Variants in LUZP2 observed in about 807,000 individuals in gnomAD.
LUZP2 encodes the protein leucine zipper protein 2.
A neutral mutation model predicts 51.6 loss-of-function variants in LUZP2; 52 were observed. The ratio of observed to expected loss-of-function variants is 1.01; its 90% CI spans 0.81 to 1.27. The LOEUF (loss-of-function observed/expected upper bound fraction) is 1.27. Ranked by LOEUF, LUZP2 falls within the 50% of genes most tolerant of loss-of-function variation. The pLI is 0.00. For missense variants in LUZP2, 436 were observed against 395.4 expected, an observed-to-expected ratio of 1.10 and a Z score of -0.87; for synonymous variants, 154 against 137.3, an observed-to-expected ratio of 1.12 and a Z score of -0.85.
intron 5 of LUZP2, among the ~76,000 whole-genome samples, chr11:24,817,987 C>A (rs964435564): frequency 1.3e-5 from 2 of 151,910 alleles, no homozygotes; most frequent in African/African-American, 2.4e-5. Flanking sequence ...TGAATTAGTT[C>A]TTTAGAAATA....
At chr11:24,773,465 C>A (rs79579871) in intron 5 of LUZP2, among the ~76,000 whole-genome samples, 12,206 of 152,102 alleles carry the variant, frequency 0.08, 1,060 homozygotes, top group African/African-American at 0.22. Context: ...AGGTGTGGAA[C>A]ATAGCCCCAG....
intron 9 of LUZP2, among the ~76,000 whole-genome samples, chr11:24,995,634 G>C (rs868734097): frequency 6.6e-6 from 1 of 151,580 alleles, no homozygotes; most frequent in African/African-American, 2.4e-5. Flanking sequence ...GATTAAAAAT[G>C]TCACCCCATT....
At chr11:24,614,132 T>C (rs1166899587) in intron 1 of LUZP2, among the ~76,000 whole-genome samples, 2 of 152,016 alleles carry the variant, frequency 1.3e-5, no homozygotes, top group Non-Finnish European at 2.9e-5. Flanking sequence ...TTTGAATGGA[T>C]TCTACCTTTA....
chr11:25,073,692 C>T lies in LUZP2; in HGVS notation c.859-3637C>T, dbSNP rs1859222983. On this transcript the variant is annotated intron_variant, in intron 10 of 11. Transcript: ENST00000336930. ...AGCACCTTCTTCATTTCCTTTCCTTCTCTTCTCTCTACCTTTCCTCTTATT... is the reference window on the plus strand; with the variant it reads ...AGCACCTTCTTCATTTCCTTTCCTTTTCTTCTCTCTACCTTTCCTCTTATT... Among the ~76,000 whole-genome samples the T allele has an allele frequency of 2.6e-5, 4 of 152,066 alleles. No individual in the cohort carries two copies. In the South Asian group the frequency reaches 8.3e-4, roughly 31 times the overall value.
At chr11:24,636,112 C>T (rs936705200) in intron 1 of LUZP2, among the ~76,000 whole-genome samples, 1 of 151,984 alleles carries the variant, frequency 6.6e-6, no homozygotes, top group Non-Finnish European at 1.5e-5. Flanking sequence ...TGTCTGGGAA[C>T]CAGGAAGATT....
intron 5 of LUZP2, among the ~76,000 whole-genome samples, chr11:24,811,351 CT>C (rs1380801929): frequency 6.6e-6 from 1 of 152,164 alleles, no homozygotes; most frequent in Non-Finnish European, 1.5e-5. Context: ...TAATCCCCCC[CT>C]TAATAGCCTC....
intron 1 of LUZP2, among the ~76,000 whole-genome samples, chr11:24,567,545 A>T (rs1230878786): frequency 6.6e-6 from 1 of 152,130 alleles, no homozygotes; most frequent in Non-Finnish European, 1.5e-5. Context: ...CAAAATATTG[A>T]AAGCCAAAGT....
intron 9 of LUZP2, among the ~76,000 whole-genome samples, chr11:24,994,811 C>T (rs1272111073): frequency 6.6e-6 from 1 of 152,090 alleles, no homozygotes; most frequent in African/African-American, 2.4e-5. Flanking sequence ...GTATAAAATA[C>T]AATTCTTACC....
At chr11:24,640,213 A>G (rs187020361) in intron 1 of LUZP2, among the ~76,000 whole-genome samples, 4 of 152,038 alleles carry the variant, frequency 2.6e-5, no homozygotes, top group Non-Finnish European at 4.4e-5. Context: ...TCGAAAGTAA[A>G]TGTTCTAAAA....
intron 5 of LUZP2, among the ~76,000 whole-genome samples, chr11:24,823,849 G>C (rs2953400): frequency 0.14 from 21,352 of 151,926 alleles, 1,595 homozygotes; most frequent in African/African-American, 0.17. Context: ...GGATCACAAA[G>C]TCAGGAGATC....
chr11:24,783,491 G>A (rs1210504964), intron 5 of LUZP2, among the ~76,000 whole-genome samples: 2 of 151,882 alleles, frequency 1.3e-5, no homozygotes, highest in African/African-American at 4.8e-5. Flanking sequence ...TTAAATCTCA[G>A]TTATCAATTA....
intron 5 of LUZP2, among the ~76,000 whole-genome samples, chr11:24,789,071 A>G (rs1849332050): frequency 6.6e-6 from 1 of 152,148 alleles, no homozygotes; most frequent in Admixed American, 6.5e-5. Context: ...GAAGGCTTCC[A>G]TGCTGCATAG....
At chr11:24,902,656 G>A (rs893492281) in intron 5 of LUZP2, among the ~76,000 whole-genome samples, 7 of 152,180 alleles carry the variant, frequency 4.6e-5, no homozygotes, top group African/African-American at 1.7e-4. Context: ...TGAGAAATCA[G>A]TGTGAGAAGC....
intron 5 of LUZP2, among the ~76,000 whole-genome samples, chr11:24,878,976 T>A (rs1484459479): frequency 6.6e-6 from 1 of 151,668 alleles, no homozygotes; most frequent in Admixed American, 6.6e-5. Context: ...TTTTTATTTA[T>A]TTATTTATTT....
intron 1 of LUZP2, among the ~76,000 whole-genome samples, chr11:24,596,725 G>A (rs190727098): frequency 1.3e-5 from 2 of 152,250 alleles, no homozygotes; most frequent in Admixed American, 1.3e-4. Flanking sequence ...TAGTGCCTCA[G>A]AGAGTCTAAA....
intron 1 of LUZP2, among the ~76,000 whole-genome samples, chr11:24,714,561 A>C (rs1174669020): frequency 6.6e-6 from 1 of 152,160 alleles, no homozygotes; most frequent in Non-Finnish European, 1.5e-5. Flanking sequence ...GCTTTCAGAA[A>C]AATGATAGTA....
At chr11:25,064,209 CA>C (rs1858931171) in intron 10 of LUZP2, among the ~76,000 whole-genome samples, 1 of 151,918 alleles carries the variant, frequency 6.6e-6, no homozygotes, top group African/African-American at 2.4e-5. Context: ...GAAAAAGAAA[CA>C]TATTATACAA....
intron 7 of LUZP2, among the ~76,000 whole-genome samples, chr11:24,965,064 C>T (rs1855541545): frequency 6.6e-6 from 1 of 151,138 alleles, no homozygotes; most frequent in African/African-American, 2.4e-5. Context: ...TGAGAAGTCC[C>T]ATTAAGATTC....
At chr11:24,791,420 G>A (rs1466570616) in intron 5 of LUZP2, among the ~76,000 whole-genome samples, 1 of 152,142 alleles carries the variant, frequency 6.6e-6, no homozygotes, top group Admixed American at 6.5e-5. Context: ...GTGGAGCTCT[G>A]ATGGAGTGGA....
Sources: allele counts gnomAD v4.1 joint callset (sites outside exome capture counted in the v4.1 genomes callset), GRCh38; gene constraint gnomAD v4.1.1; transcripts MANE v1.5; gene names NCBI Gene and HGNC (gene_info 2026-07-23, HGNC 2026-07-21).